ADAMTS20: variants seen among roughly 807,000 people sequenced by gnomAD.
ADAMTS20 encodes A disintegrin and metalloproteinase with thrombospondin motifs 20.
A neutral mutation model predicts 260.1 loss-of-function variants in ADAMTS20; 225 were observed. That is an observed-to-expected ratio of 0.87 (90% CI 0.78 to 0.97). The LOEUF (loss-of-function observed/expected upper bound fraction) is 0.97. Among genes scored for constraint, ADAMTS20 ranks in the 50% least tolerant of loss-of-function variants. ADAMTS20 has a pLI of 0.00. For synonymous variants in ADAMTS20, 802 were observed against 769.5 expected, an observed-to-expected ratio of 1.04 and a Z score of -0.70; for missense variants, 2,400 against 2,337.7, an observed-to-expected ratio of 1.03 and a Z score of -0.55.
intron 11 of ADAMTS20, among the ~76,000 whole-genome samples, chr12:43,461,235 C>T (rs2137371473): frequency 6.6e-6 from 1 of 151,414 alleles, no homozygotes; most frequent in South Asian, 2.1e-4. Flanking sequence ...AGGTGATCCG[C>T]CTGCCTCGGT....
chr12:43,425,108 G>T (rs925662798), intron 28 of ADAMTS20, among the ~76,000 whole-genome samples: 8 of 152,140 alleles, frequency 5.3e-5, no homozygotes, highest in African/African-American at 1.9e-4. Flanking sequence ...TCCTTTGCGG[G>T]GACATGGATA....
At chr12:43,435,880 A>G (rs1416848720) in intron 18 of ADAMTS20, among the ~76,000 whole-genome samples, 1 of 152,094 alleles carries the variant, frequency 6.6e-6, no homozygotes, top group African/African-American at 2.4e-5. Flanking sequence ...GACCAGAGTC[A>G]TTTGAACTTT....
chr12:43,457,623 T>A (rs563884869), intron 11 of ADAMTS20, among the ~76,000 whole-genome samples: 1 of 152,318 alleles, frequency 6.6e-6, no homozygotes, highest in Admixed American at 6.5e-5. Context: ...AAAAGCCTAG[T>A]CATCATTTCT....
Position 43,399,097 on chromosome 12 carries a change from C to A in ADAMTS20, c.4421G>T (p.Cys1474Phe). The change falls in exon 29 of 39, where the codon TGC becomes TTC. Residue 1474 changes from cysteine (C) to phenylalanine (F), a missense_variant. Physicochemically the swap from Cys to Phe is radical, Grantham distance 205. Transcript: ENST00000389420. ...CCAGCTATTGGCTTTCCATGAAGGG[C>A]ATCTGACAGATCTACAGGCTTTGTG... ...PTHKACRSVR[C>F]PSWKANSWNE... 1 of 1,540,066 alleles carries A rather than the reference C, an allele frequency of 6.5e-7. No individual in the cohort carries two copies. Among genetic ancestry groups the A allele is most frequent in the Non-Finnish European group, 8.8e-7 (1 of 1,141,440 alleles).
chr12:43,438,812 C>A (rs1235170411), intron 18 of ADAMTS20, among the ~76,000 whole-genome samples: 2 of 152,150 alleles, frequency 1.3e-5, no homozygotes, highest in African/African-American at 4.8e-5. Context: ...ATACAAAATT[C>A]TCTATCTTCA....
intron 10 of ADAMTS20, among the ~76,000 whole-genome samples, chr12:43,463,493 A>G (rs1418996444): frequency 6.6e-6 from 1 of 152,196 alleles, no homozygotes; most frequent in African/African-American, 2.4e-5. Flanking sequence ...GAAAGAAACA[A>G]AAGTCCACAG....
Position 43,535,649 on chromosome 12 carries a change from CATTAG to C in ADAMTS20, c.454-3459_454-3455del, listed in dbSNP as rs1943284814. Among the ~76,000 whole-genome samples the C allele has an allele frequency of 2.6e-5, 4 of 152,106 alleles. No individual in the cohort carries two copies. The South Asian group carries it at 8.3e-4, about 32-fold the overall frequency. On this transcript the variant is annotated intron_variant, in intron 2 of 38. Transcript: ENST00000389420. The stretch of plus-strand genomic sequence containing the variant: ...AAAATTAAGGTAGCTATTAGTCTGC[CATTAG>C]ATCATATTATTTAAGGTGCTAATAA...
intron 37 of ADAMTS20, among the ~76,000 whole-genome samples, chr12:43,364,738 G>A (rs979667698): frequency 1.3e-5 from 2 of 152,136 alleles, no homozygotes; most frequent in African/African-American, 4.8e-5. Flanking sequence ...ACCATTAGGT[G>A]CACCAACATA....
rs1484631965 is a variant in ADAMTS20, at chr12:43,439,651, G to A, written c.2564C>T (p.Pro855Leu). 3 of 1,612,016 alleles carry A rather than the reference G, an allele frequency of 1.9e-6. No individual in the cohort carries two copies. Among genetic ancestry groups the A allele is most frequent in the Admixed American group, 1.7e-5 (1 of 59,592 alleles). The change falls in exon 18 of 39, where the codon CCA becomes CTA. Residue 855 changes from proline to leucine, a missense_variant. Pro to Leu is a moderately conservative substitution (Grantham distance 98). Transcript: ENST00000389420. ...ACACATTTTGGTACAGCCTTCCCAT[G>A]GTCCATAGGGGTCCCATGTGAACAT... ...SDMFTWDPYG[P>L]WEGCTKMCQG...
At chr12:43,434,900 T>C (rs901711502) in intron 18 of ADAMTS20, among the ~76,000 whole-genome samples, 85 of 152,208 alleles carry the variant, frequency 5.6e-4, no homozygotes, top group African/African-American at 2.0e-3. Context: ...CTCTTTCCTT[T>C]TTCCCTCTGC....
chr12:43,379,032 T>A (rs1453156183), intron 31 of ADAMTS20, among the ~76,000 whole-genome samples: 3 of 152,164 alleles, frequency 2.0e-5, no homozygotes, highest in African/African-American at 7.2e-5. Context: ...TCAACAGCCC[T>A]GTGATTATGG....
At chr12:43,458,141 AG>A (rs1941998500) in intron 11 of ADAMTS20, among the ~76,000 whole-genome samples, 1 of 152,234 alleles carries the variant, frequency 6.6e-6, no homozygotes, top group African/African-American at 2.4e-5. Flanking sequence ...AGTTCTCTCC[AG>A]AAAGGTGGAG....
At chr12:43,440,193 G>C in intron 16 of ADAMTS20, 124 bp from the exon 17 acceptor site, 3 of 705,564 alleles carry the variant, frequency 4.3e-6, no homozygotes, top group South Asian at 2.0e-5. Flanking sequence ...TCCCAGGCTG[G>C]AGTACAGTGG....
chr12:43,433,476 T>C (rs1335984381), intron 19 of ADAMTS20, among the ~76,000 whole-genome samples: 1 of 152,180 alleles, frequency 6.6e-6, no homozygotes, highest in Non-Finnish European at 1.5e-5. Flanking sequence ...TACTATGTAG[T>C]GGATGCAACT....
At chr12:43,536,408 G>C (rs1035204550) in intron 2 of ADAMTS20, among the ~76,000 whole-genome samples, 5 of 152,056 alleles carry the variant, frequency 3.3e-5, no homozygotes, top group African/African-American at 1.2e-4. Flanking sequence ...ACGATACAGA[G>C]ATAAATGTGA....
intron 3 of ADAMTS20, among the ~76,000 whole-genome samples, chr12:43,505,029 C>A (rs1281564856): frequency 6.6e-6 from 1 of 152,014 alleles, no homozygotes; most frequent in African/African-American, 2.4e-5. Context: ...CATAGCAAAA[C>A]AAATATATAG....
chr12:43,433,832 G>A (rs772893188), intron 19 of ADAMTS20: 5 of 464,744 alleles, frequency 1.1e-5, no homozygotes, highest in Admixed American at 2.4e-5. Flanking sequence ...ACAAAATACT[G>A]ATAGAATGTC....
chr12:43,353,535 T>C (rs1173365226), downstream of ADAMTS20, among the ~76,000 whole-genome samples: 2 of 151,992 alleles, frequency 1.3e-5, no homozygotes, highest in East Asian at 1.9e-4. Flanking sequence ...ATATCTTTAT[T>C]ATACCCACAA....
At chr12:43,497,319 C>T (rs1942691586) in intron 4 of ADAMTS20, among the ~76,000 whole-genome samples, 1 of 152,232 alleles carries the variant, frequency 6.6e-6, no homozygotes, top group African/African-American at 2.4e-5. Context: ...AAATTGCTAT[C>T]ACCATTAACT....
Sources: gnomAD v4.1 joint callset for allele counts (sites outside exome capture counted in the v4.1 genomes callset) on GRCh38, gnomAD v4.1.1 for gene constraint, MANE v1.5 for transcripts, NCBI Gene and HGNC (gene_info 2026-07-23, HGNC 2026-07-21) for gene names.